ANKRD30A: variants seen among roughly 807,000 people sequenced by gnomAD.
ANKRD30A encodes ankyrin repeat domain 30A.
In ANKRD30A, 170 loss-of-function variants were observed where a neutral mutation model predicts 166.3. The observed-to-expected ratio is 1.02, with a 90% CI of 0.90 to 1.16. The LOEUF (loss-of-function observed/expected upper bound fraction) is 1.16. Among genes scored for constraint, ANKRD30A ranks in the 50% most tolerant of loss-of-function variants. The probability of loss-of-function intolerance (pLI) is 0.00; values close to 1 mark genes in which losing one functional copy is unlikely to be tolerated. For synonymous variants in ANKRD30A, 564 were observed against 508.9 expected, an observed-to-expected ratio of 1.11 and a Z score of -1.46; for missense variants, 1,630 against 1,518.0, an observed-to-expected ratio of 1.07 and a Z score of -1.23.
intron 27 of ANKRD30A, among the ~76,000 whole-genome samples, chr10:37,196,859 T>G (rs1208797378): frequency 6.6e-6 from 1 of 152,182 alleles, no homozygotes; most frequent in Non-Finnish European, 1.5e-5. Flanking sequence ...TGACGAGATG[T>G]CAGTTGTACA....
At chr10:37,131,282 T>G in intron 3 of ANKRD30A, among the ~76,000 whole-genome samples, 1 of 152,178 alleles carries the variant, frequency 6.6e-6, no homozygotes, top group East Asian at 1.9e-4. Context: ...ATATTTTTGA[T>G]ATTTTGCCAA....
At chr10:37,233,733 G>A (rs1367984194), downstream of ANKRD30A, among the ~76,000 whole-genome samples, 1 of 152,094 alleles carries the variant, frequency 6.6e-6, no homozygotes, top group Non-Finnish European at 1.5e-5. Flanking sequence ...ACAGAAAGAA[G>A]ATGCCTACTA....
At chr10:37,196,101 T>A (rs1301110558) in intron 27 of ANKRD30A, among the ~76,000 whole-genome samples, 1 of 148,236 alleles carries the variant, frequency 6.7e-6, no homozygotes, top group South Asian at 2.1e-4. Context: ...CTATTTTTTT[T>A]TTTTTTTTTT....
chr10:37,190,250 G>T (rs1423704608), intron 25 of ANKRD30A, among the ~76,000 whole-genome samples: 1 of 151,848 alleles, frequency 6.6e-6, no homozygotes, highest in Non-Finnish European at 1.5e-5. Flanking sequence ...TTGGGATTCT[G>T]CATTTTTAAA....
At chr10:37,218,883 T>C in intron 33 of ANKRD30A, 97 bp from the exon 34 acceptor site, 2 of 826,808 alleles carry the variant, frequency 2.4e-6, no homozygotes, top group Non-Finnish European at 3.7e-6. Context: ...AAAAACCCTT[T>C]CATTGTATAA....
downstream of ANKRD30A, among the ~76,000 whole-genome samples, chr10:37,234,301 T>G (rs902933522): frequency 9.9e-5 from 15 of 152,184 alleles, no homozygotes; most frequent in Non-Finnish European, 2.1e-4. Flanking sequence ...ATTTGATTGG[T>G]TCTTTAAAAA....
rs1382580133 is a variant in ANKRD30A at position 37,159,798 on chromosome 10, C to G, written c.1900+1212C>G. 2.6e-5 allele frequency among the ~76,000 whole-genome samples: 4 copies of G among 152,036 alleles called. No homozygotes were observed. The East Asian group carries it at 7.7e-4, about 29-fold the overall frequency. Reference sequence around the variant, plus strand: ...CAAGCTCTGCCTCCCGGGTTCACGCCATTCTCCTGCCTCAGCCTCCCGAGT... The same window carrying G: ...CAAGCTCTGCCTCCCGGGTTCACGCGATTCTCCTGCCTCAGCCTCCCGAGT... On this transcript the variant is annotated intron_variant, in intron 15 of 35. Coordinates refer to ENST00000361713, the MANE Select transcript of ANKRD30A (RefSeq NM_052997.3).
intron 27 of ANKRD30A, among the ~76,000 whole-genome samples, chr10:37,195,551 A>C (rs1841005649): frequency 1.3e-5 from 2 of 152,190 alleles, no homozygotes; most frequent in Admixed American, 1.3e-4. Flanking sequence ...TATAATTGTC[A>C]ACCACATTAC....
At position 37,133,965 on chromosome 10, in the gene ANKRD30A, A is replaced by G. The variant is rs774800665; in HGVS notation, c.667A>G (p.Met223Val). The G allele has an allele frequency of 6.2e-6, 10 of 1,614,016 alleles. No individual in the cohort carries two copies. The highest frequency in any genetic ancestry group is 7.6e-6 in the Non-Finnish European group (9 of 1,179,992). The stretch of plus-strand genomic sequence containing the variant: ...TCATGGATCATCAGAGATAGTTGGC[A>G]TGCTTCTTCAGCAAAATGTTGACGT... ...VCHGSSEIVG[M>V]LLQQNVDVFA... The change falls in exon 5 of 36, where the codon ATG becomes GTG. Residue 223 changes from methionine (M) to valine (V), a missense_variant. Physicochemically the swap from Met to Val is conservative, Grantham distance 21. This residue lies in a region of ANKRD30A where 904 missense variants were observed against 818.5 expected (regional missense o/e 1.10). Transcript: ENST00000361713.
At chr10:37,149,924 T>C in intron 11 of ANKRD30A, 75 bp downstream of exon 11, 1 of 1,572,670 alleles carries the variant, frequency 6.4e-7, no homozygotes, top group Non-Finnish European at 8.7e-7. Context: ...CTATCCCCAA[T>C]GCTTTATTTT....
chr10:37,128,819 C>A (rs1413160340), intron 1 of ANKRD30A, among the ~76,000 whole-genome samples: 1 of 151,248 alleles, frequency 6.6e-6, no homozygotes, highest in East Asian at 1.9e-4. Context: ...TCTCATCTTT[C>A]AAAAAAAAGC....
At position 37,161,730 on chromosome 10, in the gene ANKRD30A, T is replaced by C. The variant is rs180940133; in HGVS notation, c.1901-919T>C. Among the ~76,000 whole-genome samples the C allele has an allele frequency of 1.3e-3, 196 of 152,282 alleles. 3 individuals are homozygous for C. The highest frequency in any genetic ancestry group is 2.8e-4 in the Non-Finnish European group (19 of 68,022). On this transcript the variant is annotated intron_variant, in intron 15 of 35. Coordinates refer to ENST00000361713, the MANE Select transcript of ANKRD30A (RefSeq NM_052997.3). ...CAGGGAAGACAAATATATATTTTGTTGCTGTTCGCTATACAAATGACACAT... is the reference window on the plus strand; with the variant it reads ...CAGGGAAGACAAATATATATTTTGTCGCTGTTCGCTATACAAATGACACAT...
In ANKRD30A at chr10:37,125,850, C is replaced by T; in HGVS notation, c.63C>T (p.Phe21=). Residue 21 remains phenylalanine (F), a synonymous_variant, in exon 1 of 36, where the codon TTC becomes TTT. Coordinates refer to ENST00000361713, the MANE Select transcript of ANKRD30A (RefSeq NM_052997.3). ...VVPGPERPSP[F]SQLVYTSNDS... The stretch of plus-strand genomic sequence containing the variant: ...CGGGCCCGGAGCGCCCGAGCCCTTT[C>T]AGCCAGCTAGTCTATACCAGCAACG... The T allele has an allele frequency of 7.8e-7, 1 of 1,287,418 alleles. No individual in the cohort carries two copies. The highest frequency in any genetic ancestry group is 1.3e-5 in the South Asian group (1 of 79,744). 79.7% of individuals were successfully genotyped at this position (1,287,418 alleles called of 1,614,324 possible).
At chr10:37,250,600 G>A in the ANKRD30A span, among the ~76,000 whole-genome samples, 4 of 152,112 alleles carry the variant, frequency 2.6e-5, no homozygotes, top group Non-Finnish European at 5.9e-5. Context: ...ATGGTATTAA[G>A]AGATGGGGCC....
intron 6 of ANKRD30A, 109 bp from the exon 7 acceptor site, chr10:37,141,609 T>G (rs1588769026): frequency 1.4e-6 from 2 of 1,391,822 alleles, no homozygotes; most frequent in Non-Finnish European, 1.9e-6. Context: ...AAGAAAAGTT[T>G]GGTAGTATTT....
Position 37,191,000 on chromosome 10 carries a change from A to G in ANKRD30A, c.2512+1443A>G, listed in dbSNP as rs71489124. On this transcript the variant is annotated intron_variant, in intron 25 of 35. Transcript: ENST00000361713. ...TGCTACACGAAACCAGACTAATTTT[A>G]AAAACCATAAAACTCTGAATTTATG... 1.6e-3 allele frequency among the ~76,000 whole-genome samples: 240 copies of G among 151,914 alleles called. 7 individuals carry two copies. Among genetic ancestry groups the G allele is most frequent in the African/African-American group, 4.8e-3 (197 of 41,318 alleles).
intron 11 of ANKRD30A, among the ~76,000 whole-genome samples, chr10:37,150,360 G>A (rs117871257): frequency 3.3e-5 from 5 of 151,978 alleles, no homozygotes; most frequent in African/African-American, 4.8e-5. Flanking sequence ...GTGTGTGTCT[G>A]TTTATGTGTT....
chr10:37,202,526 G>C (rs1841706909), intron 31 of ANKRD30A, among the ~76,000 whole-genome samples: 1 of 152,178 alleles, frequency 6.6e-6, no homozygotes, highest in Non-Finnish European at 1.5e-5. Context: ...ATGCCCACAA[G>C]AGAAAGCAGG....
At chr10:37,257,143 A>G in the ANKRD30A span, among the ~76,000 whole-genome samples, 1 of 151,910 alleles carries the variant, frequency 6.6e-6, no homozygotes, top group African/African-American at 2.4e-5. Flanking sequence ...GTGTCCAGGA[A>G]TTTATCCATT....
Sources: allele counts gnomAD v4.1 joint callset (sites outside exome capture counted in the v4.1 genomes callset), GRCh38; gene constraint gnomAD v4.1.1; regional missense constraint gnomAD v4.1.1; transcripts MANE v1.5; gene names NCBI Gene and HGNC (gene_info 2026-07-23, HGNC 2026-07-21).